Variants in ABCG8 observed in about 807,000 individuals in gnomAD.
ABCG8 encodes ATP-binding cassette sub-family G member 8.
A neutral mutation model predicts 71.3 loss-of-function variants in ABCG8; 81 were observed. The observed-to-expected ratio is 1.14, with a 90% CI of 0.95 to 1.37. The LOEUF is 1.37. Among genes scored for constraint, ABCG8 ranks in the 40% most tolerant of loss-of-function variants. The pLI is 0.00. For missense variants in ABCG8, 1,119 were observed against 866.2 expected (o/e 1.29, Z -3.66); for synonymous variants, 451 against 354.7 (o/e 1.27, Z -3.05).
chr2:43,875,522 C>G (rs116026982), intron 11 of ABCG8, 109 bp downstream of exon 11: 6 of 1,389,964 alleles, frequency 4.3e-6, no homozygotes, highest in Middle Eastern at 2.6e-4. Flanking sequence ...CAACTCGAGG[C>G]TGGCCCTTCT....
chr2:43,875,698 TTCTC>T (rs976450959), intron 11 of ABCG8, among the ~76,000 whole-genome samples: 1 of 152,146 alleles, frequency 6.6e-6, no homozygotes, highest in Non-Finnish European at 1.5e-5. Flanking sequence ...TGCCTCCTGT[TTCTC>T]TGAAATGTCT....
At chr2:43,874,630 T>C in intron 10 of ABCG8, 147 bp downstream of exon 10, 3 of 733,116 alleles carry the variant, frequency 4.1e-6, no homozygotes, top group Non-Finnish European at 4.9e-6. Flanking sequence ...CCACATTTTC[T>C]AGGGGAGTTT....
intron 6 of ABCG8, among the ~76,000 whole-genome samples, chr2:43,854,436 T>A (rs536745226): frequency 6.6e-6 from 1 of 152,218 alleles, no homozygotes; most frequent in Admixed American, 6.5e-5. Context: ...GAGACCAGCC[T>A]GGCCAACATG....
At chr2:43,872,794 A>G (rs777655938) in intron 8 of ABCG8, among the ~76,000 whole-genome samples, 2 of 152,202 alleles carry the variant, frequency 1.3e-5, no homozygotes, top group Admixed American at 6.5e-5. Context: ...TTTAAGCAAA[A>G]TTAAGATATC....
chr2:43,881,384 CTCT>C lies in ABCG8; in HGVS notation c.*3474_*3476del, dbSNP rs1670127390. On this transcript the variant is annotated 3_prime_UTR_variant, in exon 13 of 13. Transcript: ENST00000272286. ...CCATGGGTCTGTTTTGTTTAAAATG[CTCT>C]TCAAGGCATTGTGAGGCCAGGAAAA... 1 of 152,182 alleles carries C rather than the reference CTCT, an allele frequency of 6.6e-6. No individual in the cohort carries two copies. The highest frequency in any genetic ancestry group is 1.5e-5 in the Non-Finnish European group (1 of 68,052). 9.4% of individuals were successfully genotyped at this position (152,182 alleles called of 1,614,324 possible). A position where few individuals can be genotyped will look rare whatever the true frequency, so the allele number is the denominator to read the frequency against.
chr2:43,848,530 T>G (rs1422679156), intron 3 of ABCG8: 4 of 152,170 alleles, frequency 2.6e-5, no homozygotes, highest in Non-Finnish European at 5.9e-5. Context: ...TTGCTTGCAG[T>G]TTGCTCTGTG....
chr2:43,854,962 T>G (rs544508193), intron 6 of ABCG8, among the ~76,000 whole-genome samples: 1 of 152,294 alleles, frequency 6.6e-6, no homozygotes, highest in African/African-American at 2.4e-5. Flanking sequence ...GCTGTCTCCC[T>G]CCTGGGGCAG....
rs763365775 is a variant in ABCG8, at chr2:43,851,567, C to A, written c.323-17C>A. On this transcript the variant is annotated splice_polypyrimidine_tract_variant and intron_variant, in intron 3 of 12. Coordinates refer to ENST00000272286, the MANE Select transcript of ABCG8 (RefSeq NM_022437.3). Reference sequence around the variant, plus strand: ...ACAGAAGCTCCGCTCTCAGGGATATCCCTGGTGGCTTTGCAGGTTGTGGGA... The same window carrying A: ...ACAGAAGCTCCGCTCTCAGGGATATACCTGGTGGCTTTGCAGGTTGTGGGA... 1.2e-5 allele frequency: 20 copies of A among 1,613,924 alleles called. No homozygotes were observed. The East Asian group carries it at 4.5e-4, about 36-fold the overall frequency.
At chr2:43,877,470 G>T (rs565294725) in intron 11 of ABCG8, 91 bp from the exon 12 acceptor site, 7 of 1,580,110 alleles carry the variant, frequency 4.4e-6, no homozygotes, top group South Asian at 2.2e-5. Flanking sequence ...AATATGGGGA[G>T]ACTCTGTGAA....
chr2:43,875,678 A>G (rs1354357864), intron 11 of ABCG8, among the ~76,000 whole-genome samples: 1 of 152,134 alleles, frequency 6.6e-6, no homozygotes, highest in Non-Finnish European at 1.5e-5. Context: ...CCTGTGAGCC[A>G]GGTCGATTCT....
intron 4 of ABCG8, 122 bp downstream of exon 4, chr2:43,851,944 G>GC: frequency 8.7e-7 from 1 of 1,149,426 alleles, no homozygotes; most frequent in Non-Finnish European, 1.3e-6. Context: ...AACTCAGCTT[G>GC]CCTTCCGCCA....
intron 6 of ABCG8, among the ~76,000 whole-genome samples, chr2:43,854,104 C>G (rs1042164506): frequency 6.6e-6 from 1 of 152,190 alleles, no homozygotes; most frequent in Non-Finnish European, 1.5e-5. Context: ...GTCAAGTGTC[C>G]ACAGCAAACC....
At chr2:43,848,491 A>G (rs775184650) in intron 3 of ABCG8, 9 of 152,224 alleles carry the variant, frequency 5.9e-5, no homozygotes, top group Non-Finnish European at 5.9e-5. Context: ...TACTGCTAAG[A>G]TAAGTTGCAG....
rs1669791038 is a variant in ABCG8, at chr2:43,871,997, G to C, written c.986G>C (p.Arg329Thr). The C allele has an allele frequency of 1.2e-6, 2 of 1,614,106 alleles. No individual in the cohort carries two copies. The highest frequency in any genetic ancestry group is 8.5e-7 in the Non-Finnish European group (1 of 1,180,054). Reference protein sequence around the residue: ...DFYVDLTSIDRRSREQELATR... With the variant: ...DFYVDLTSIDTRSREQELATR... ...GCAGTGGACCTGACCAGCATTGACA[G>C]GCGCAGCAGAGAGCAGGAATTGGCC... Residue 329 changes from arginine (R) to threonine (T), a missense_variant, in exon 7 of 13, where the codon AGG becomes ACG. By Grantham distance (71) the Arg-to-Thr change is moderately conservative (BLOSUM62 -1). Coordinates refer to ENST00000272286, the MANE Select transcript of ABCG8 (RefSeq NM_022437.3).
rs745999057 is a variant in ABCG8 at position 43,877,671 on chromosome 2, G to A, written c.1867G>A (p.Ala623Thr). ...YKMPLGNLTIAVSGDKILSVM... is the reference protein window; with the variant it reads ...YKMPLGNLTITVSGDKILSVM... ...AATGCCTCTCGGGAACCTCACCATCGCGGTCTCAGGAGATAAAGTAAGCGG... is the reference window on the plus strand; with the variant it reads ...AATGCCTCTCGGGAACCTCACCATCACGGTCTCAGGAGATAAAGTAAGCGG... The change falls in exon 12 of 13, where the codon GCG (alanine) becomes ACG (threonine). Residue 623 changes from alanine to threonine, a missense_variant. By Grantham distance (58) the Ala-to-Thr change is moderately conservative (BLOSUM62 0). Coordinates refer to ENST00000272286, the MANE Select transcript of ABCG8 (RefSeq NM_022437.3). 1 of 1,614,050 alleles carries A rather than the reference G, an allele frequency of 6.2e-7. No homozygotes were observed. Among genetic ancestry groups the A allele is most frequent in the Non-Finnish European group, 8.5e-7 (1 of 1,180,000 alleles).
At chr2:43,843,686 C>T (rs1184893311) in intron 1 of ABCG8, among the ~76,000 whole-genome samples, 1 of 152,072 alleles carries the variant, frequency 6.6e-6, no homozygotes, top group Non-Finnish European at 1.5e-5. Context: ...CTTCCTGTTG[C>T]TTCTTTGTTT....
chr2:43,852,971 GAGGTTTCA>G, intron 6 of ABCG8, 103 bp downstream of exon 6: 1 of 1,447,558 alleles, frequency 6.9e-7, no homozygotes, highest in East Asian at 2.3e-5. Context: ...GAAACTCCCA[GAGGTTTCA>G]GGAGAGGAGG....
At chr2:43,852,021 C>T (rs895606456) in intron 4 of ABCG8, among the ~76,000 whole-genome samples, 199 bp downstream of exon 4, 1 of 152,334 alleles carries the variant, frequency 6.6e-6, no homozygotes, top group East Asian at 1.9e-4. Flanking sequence ...GCTAGCTCAG[C>T]CCATTGGTTC....
intron 6 of ABCG8, among the ~76,000 whole-genome samples, chr2:43,869,358 TCTCA>T (rs1356979180): frequency 6.6e-6 from 1 of 152,252 alleles, no homozygotes; most frequent in Admixed American, 6.5e-5. Flanking sequence ...TGGATAGAAC[TCTCA>T]CTATCTGGAT....
Sources: gnomAD v4.1 joint callset for allele counts (sites outside exome capture counted in the v4.1 genomes callset) on GRCh38, gnomAD v4.1.1 for gene constraint, MANE v1.5 for transcripts, NCBI Gene and HGNC (gene_info 2026-07-23, HGNC 2026-07-21) for gene names.